Variants in STPG2 observed in about 807,000 individuals in gnomAD.
STPG2 encodes the protein sperm-tail PG-rich repeat-containing protein 2.
Under a neutral mutation model 54.2 loss-of-function variants are expected in STPG2, and 56 were observed. The observed-to-expected ratio is 1.03, with a 90% confidence interval of 0.83 to 1.29. The LOEUF is 1.29. Among genes scored for constraint, STPG2 ranks in the 50% most tolerant of loss-of-function variants. STPG2 has a pLI of 0.00. For missense variants in STPG2, 596 were observed against 544.9 expected, an observed-to-expected ratio of 1.09 and a Z score of -0.93; for synonymous variants, 200 against 181.8, an observed-to-expected ratio of 1.10 and a Z score of -0.81.
chr4:97,989,438 G>GT (rs1214960634), intron 5 of STPG2, among the ~76,000 whole-genome samples: 1 of 151,858 alleles, frequency 6.6e-6, no homozygotes, highest in African/African-American at 2.4e-5. Context: ...TATACACTAT[G>GT]TTTTTTTCTA....
chr4:97,758,749 C>G (rs1725804747), intron 9 of STPG2, among the ~76,000 whole-genome samples: 1 of 151,936 alleles, frequency 6.6e-6, no homozygotes, highest in South Asian at 2.1e-4. Flanking sequence ...ATGTAAGAAA[C>G]CAGTACATTC....
chr4:97,598,908 A>G (rs1733378557), intron 10 of STPG2, among the ~76,000 whole-genome samples: 1 of 150,892 alleles, frequency 6.6e-6, no homozygotes, highest in African/African-American at 2.5e-5. Flanking sequence ...CAACAACAAC[A>G]ACAAAAAAAT....
chr4:97,484,447 A>G (rs1346399548), intron 4 of STPG2, among the ~76,000 whole-genome samples: 1 of 151,764 alleles, frequency 6.6e-6, no homozygotes, highest in Non-Finnish European at 1.5e-5. Context: ...TACGCACATC[A>G]AGTAGAAAAC....
At chr4:97,578,436 T>G (rs569032918) in intron 10 of STPG2, among the ~76,000 whole-genome samples, 13 of 152,100 alleles carry the variant, frequency 8.5e-5, no homozygotes, top group Non-Finnish European at 1.9e-4. Context: ...ATACTTCAAT[T>G]GCATCTGAAG....
chr4:97,805,731 A>AT (rs1020632284), intron 9 of STPG2, among the ~76,000 whole-genome samples: 48 of 149,272 alleles, frequency 3.2e-4, no homozygotes, highest in African/African-American at 7.4e-4. Context: ...TACTCTGTTA[A>AT]TTTTTTTTTT....
intron 8 of STPG2, among the ~76,000 whole-genome samples, 194 bp from the exon 9 acceptor site, chr4:97,841,126 A>G (rs1728790023): frequency 6.6e-6 from 1 of 151,778 alleles, no homozygotes; most frequent in Non-Finnish European, 1.5e-5. Flanking sequence ...TTTACTTGCC[A>G]AAATTAAAGT....
chr4:97,798,673 G>C (rs2149087580), intron 9 of STPG2, among the ~76,000 whole-genome samples: 1 of 128,080 alleles, frequency 7.8e-6, no homozygotes, highest in Non-Finnish European at 1.6e-5. Flanking sequence ...ATTTGGGGTG[G>C]AGCATTCTGC....
chr4:97,762,558 G>A (rs1410382659), intron 9 of STPG2, among the ~76,000 whole-genome samples: 1 of 152,018 alleles, frequency 6.6e-6, no homozygotes, highest in African/African-American at 2.4e-5. Flanking sequence ...TTCAATTATG[G>A]GACACATGTA....
rs138653131 is a variant in STPG2 at position 97,943,896 on chromosome 4, C to T, written c.1044+1G>A. ...ATATTTGATTGTAGGAGTATTCTTACCATATCTGGTACTTTCATAGTTCTT... is the reference window on the plus strand; with the variant it reads ...ATATTTGATTGTAGGAGTATTCTTATCATATCTGGTACTTTCATAGTTCTT... On this transcript the variant is annotated splice_donor_variant, in intron 8 of 10. Transcript: ENST00000295268. LOFTEE classifies it high-confidence loss of function. 104 of 1,554,622 alleles carry T rather than the reference C, an allele frequency of 6.7e-5. No homozygotes were observed. In the African/African-American group the frequency reaches 1.2e-3, roughly 18 times the overall value.
intron 8 of STPG2, among the ~76,000 whole-genome samples, chr4:97,901,452 C>T (rs1465475793): frequency 6.6e-6 from 1 of 151,634 alleles, no homozygotes; most frequent in Non-Finnish European, 1.5e-5. Context: ...GACTACTGCC[C>T]CCCCAAAAAA....
Position 97,790,970 on chromosome 4 carries a change from AAT to A in STPG2, c.1204+49801_1204+49802del, listed in dbSNP as rs529130073. Among the ~76,000 whole-genome samples, 639 of 152,258 alleles carry A rather than the reference AAT, an allele frequency of 4.2e-3. 3 individuals carry two copies. The highest frequency in any genetic ancestry group is 0.024 in the South Asian group (116 of 4,826). On this transcript the variant is annotated intron_variant, in intron 9 of 10. Transcript: ENST00000295268. The stretch of plus-strand genomic sequence containing the variant: ...TAGCATTCAGTTTTTCAGCATTCCT[AAT>A]ATTCCATCAGTTACGCAAATTCTAC...
At chr4:97,824,882 C>T (rs780118077) in intron 9 of STPG2, among the ~76,000 whole-genome samples, 4 of 152,126 alleles carry the variant, frequency 2.6e-5, no homozygotes, top group South Asian at 2.1e-4. Flanking sequence ...ACCTGCATGA[C>T]ATTTACCATT....
intron 4 of STPG2, among the ~76,000 whole-genome samples, chr4:97,492,659 A>G (rs893402121): frequency 6.8e-6 from 1 of 146,114 alleles, no homozygotes; most frequent in Admixed American, 6.8e-5. Flanking sequence ...TTTTTTTTCT[A>G]TATTTGTGAG....
chr4:98,024,954 G>A (rs574777592), intron 5 of STPG2, among the ~76,000 whole-genome samples: 13 of 152,118 alleles, frequency 8.5e-5, no homozygotes, highest in Admixed American at 8.5e-4. Flanking sequence ...AGGTCTTTAG[G>A]ATTCTCTTGA....
chr4:97,814,687 G>A (rs771296435), intron 9 of STPG2, among the ~76,000 whole-genome samples: 75 of 152,032 alleles, frequency 4.9e-4, no homozygotes, highest in Admixed American at 1.1e-3. Flanking sequence ...CCTTAATCTG[G>A]GTGGGCAGTA....
chr4:97,826,839 T>C (rs1220131862), intron 9 of STPG2, among the ~76,000 whole-genome samples: 2 of 152,248 alleles, frequency 1.3e-5, no homozygotes, highest in African/African-American at 2.4e-5. Flanking sequence ...ATTGTAATTG[T>C]TACATAAAAT....
intron 10 of STPG2, among the ~76,000 whole-genome samples, chr4:97,611,059 C>T (rs759668383): frequency 2.0e-5 from 3 of 151,800 alleles, no homozygotes; most frequent in South Asian, 2.1e-4. Context: ...AAAATGTAAA[C>T]ATTTATGAAG....
chr4:98,066,995 C>T (rs768208295), intron 5 of STPG2, among the ~76,000 whole-genome samples: 32 of 152,148 alleles, frequency 2.1e-4, no homozygotes, highest in Non-Finnish European at 8.8e-5. Flanking sequence ...AAAGACTCAA[C>T]ATTCAAACAT....
At chr4:97,565,051 C>A (rs1345598425) in intron 10 of STPG2, among the ~76,000 whole-genome samples, 2 of 152,140 alleles carry the variant, frequency 1.3e-5, no homozygotes, top group African/African-American at 4.8e-5. Context: ...TTCCATTCTT[C>A]CCTTCACTTT....
Sources: allele counts gnomAD v4.1 joint callset (sites outside exome capture counted in the v4.1 genomes callset), GRCh38; gene constraint gnomAD v4.1.1; transcripts MANE v1.5; gene names NCBI Gene and HGNC (gene_info 2026-07-23, HGNC 2026-07-21).